Variants in ANK3 observed in about 807,000 individuals in gnomAD.
The protein encoded by ANK3 is ankyrin 3, also known as ankyrin-3.
In ANK3, 57 loss-of-function variants were observed where a neutral mutation model predicts 370.9. The observed-to-expected ratio is 0.15, with a 90% CI of 0.12 to 0.19. The LOEUF (loss-of-function observed/expected upper bound fraction) is 0.19. Among genes scored for constraint, ANK3 ranks in the 10% least tolerant of loss-of-function variants. The pLI is 1.00. For missense variants in ANK3, 4,439 were observed against 5,302.1 expected, an observed-to-expected ratio of 0.84 and a Z score of 5.06; for synonymous variants, 1,929 against 1,946.3, an observed-to-expected ratio of 0.99 and a Z score of 0.23.
At chr10:60,493,970 A>G (rs540902432) in intron 2 of ANK3, among the ~76,000 whole-genome samples, 2 of 152,280 alleles carry the variant, frequency 1.3e-5, no homozygotes, top group African/African-American at 4.8e-5. Context: ...AATCATGATA[A>G]TATCATTTCC....
At chr10:60,512,105 T>C (rs888453899) in intron 2 of ANK3, among the ~76,000 whole-genome samples, 1 of 151,482 alleles carries the variant, frequency 6.6e-6, no homozygotes, top group Non-Finnish European at 1.5e-5. Context: ...TTCCATCAAT[T>C]AAAAAAAAGT....
intron 2 of ANK3, among the ~76,000 whole-genome samples, chr10:60,597,389 A>G (rs60813650): frequency 6.6e-6 from 1 of 152,358 alleles, no homozygotes; most frequent in East Asian, 1.9e-4. Context: ...TGATTCAAAT[A>G]TACATTAGTA....
chr10:60,692,520 C>T (rs907900232), intron 1 of ANK3, among the ~76,000 whole-genome samples: 1 of 152,202 alleles, frequency 6.6e-6, no homozygotes, highest in Non-Finnish European at 1.5e-5. Context: ...AAGTGTCACA[C>T]ATTCTTCTCC....
At chr10:60,082,283 T>C in intron 34 of ANK3, 107 bp from the exon 35 acceptor site, 2 of 1,024,250 alleles carry the variant, frequency 2.0e-6, no homozygotes, top group Non-Finnish European at 2.9e-6. Flanking sequence ...AAATGCAAGC[T>C]GATTTAGAAA....
intron 1 of ANK3, chr10:60,685,023 T>A (rs1436981065): frequency 3.9e-6 from 6 of 1,538,740 alleles, no homozygotes; most frequent in Admixed American, 1.7e-5. Context: ...TCATAGGAGA[T>A]GGCCTAAAGG....
intron 18 of ANK3, among the ~76,000 whole-genome samples, chr10:60,177,570 C>T (rs1448498130): frequency 1.3e-5 from 2 of 150,944 alleles, no homozygotes; most frequent in Non-Finnish European, 3.0e-5. Context: ...CCTTAGTCCC[C>T]ATACCACACA....
At chr10:60,724,646 C>T (rs944845856) in intron 1 of ANK3, among the ~76,000 whole-genome samples, 1 of 152,106 alleles carries the variant, frequency 6.6e-6, no homozygotes, top group African/African-American at 2.4e-5. Flanking sequence ...TTATCCAAAA[C>T]GCAAAATTAA....
At chr10:60,480,926 C>T (rs955497984) in intron 2 of ANK3, among the ~76,000 whole-genome samples, 13 of 152,166 alleles carry the variant, frequency 8.5e-5, no homozygotes, top group Non-Finnish European at 1.9e-4. Flanking sequence ...ATTTATACAT[C>T]AGCATCTTGT....
chr10:60,061,666 G>A (rs1357757701), intron 40 of ANK3, among the ~76,000 whole-genome samples: 1 of 151,828 alleles, frequency 6.6e-6, no homozygotes, highest in Non-Finnish European at 1.5e-5. Flanking sequence ...AAAAAGAACC[G>A]CTTTTTACTT....
rs113599642 is a variant in ANK3 at position 60,442,242 on chromosome 10, C to A, written c.97-162603G>T. On this transcript the variant is annotated intron_variant, in intron 2 of 43. Transcript: ENST00000373827. ...TTTCCAGTAGCTGGGATTATAGGTG[C>A]ACGCCACCACGCCTGGCTAATTTTT... is the stretch of plus-strand genomic sequence containing the variant. Among the ~76,000 whole-genome samples the A allele has an allele frequency of 3.5e-3, 524 of 151,802 alleles. 5 individuals carry two copies. The highest frequency in any genetic ancestry group is 0.012 in the African/African-American group (502 of 41,400).
At chr10:60,716,747 C>T (rs2079796395) in intron 1 of ANK3, among the ~76,000 whole-genome samples, 1 of 152,160 alleles carries the variant, frequency 6.6e-6, no homozygotes, top group Non-Finnish European at 1.5e-5. Context: ...AACTCCTGCG[C>T]TCAAGTGATC....
rs765792452 is a variant in ANK3 at position 60,073,618 on chromosome 10, A to C, written c.7263T>G (p.Asp2421Glu). Residue 2421 changes from aspartate to glutamate, a missense_variant, in exon 37 of 44, where the codon GAT (aspartate) becomes GAG (glutamate). By Grantham distance (45) the Asp-to-Glu change is conservative. Around this residue, in one of 13 missense-constraint regions of ANK3, gnomAD observed 1,601 missense variants for 1,731.7 expected, o/e 0.92. Transcript: ENST00000280772. ...RVNTPVSQEE[D>E]SRPSSAQLIS... The stretch of plus-strand genomic sequence containing the variant: ...TGAGTTGAGCAGAACTAGGGCGGCT[A>C]TCTTCTTCTTGGGACACAGGAGTGT... The C allele has an allele frequency of 6.2e-7, 1 of 1,613,994 alleles. No homozygotes were observed. Among genetic ancestry groups the C allele is most frequent in the Non-Finnish European group, 8.5e-7 (1 of 1,179,972 alleles).
chr10:60,077,321 A>G (rs2084064181), intron 36 of ANK3, among the ~76,000 whole-genome samples: 1 of 152,232 alleles, frequency 6.6e-6, no homozygotes, highest in Non-Finnish European at 1.5e-5. Context: ...TACACACACA[A>G]AGAAAAAAAC....
At chr10:60,599,208 G>A (rs879582081) in intron 2 of ANK3, among the ~76,000 whole-genome samples, 3 of 152,124 alleles carry the variant, frequency 2.0e-5, no homozygotes, top group Non-Finnish European at 2.9e-5. Flanking sequence ...CGGGATTACA[G>A]GAATGAGCCA....
chr10:60,707,445 G>A (rs1589057091), intron 1 of ANK3, among the ~76,000 whole-genome samples: 1 of 152,140 alleles, frequency 6.6e-6, no homozygotes, highest in South Asian at 2.1e-4. Context: ...TTGATAAAGT[G>A]ATTTAAATCT....
intron 1 of ANK3, among the ~76,000 whole-genome samples, chr10:60,332,423 T>C (rs992946500): frequency 2.0e-5 from 3 of 152,330 alleles, no homozygotes; most frequent in South Asian, 2.1e-4. Context: ...GGGCTGAGTA[T>C]GTAGGTGTTG....
intron 1 of ANK3, among the ~76,000 whole-genome samples, chr10:60,373,847 AC>A (rs963339968): frequency 3.6e-4 from 55 of 152,006 alleles, no homozygotes; most frequent in Non-Finnish European, 8.8e-5. Context: ...TCCTGGGCAA[AC>A]CAGGCCAGGT....
chr10:60,218,633 G>A lies in ANK3; in HGVS notation c.898-5123C>T, dbSNP rs1008685424. 4.1e-4 allele frequency among the ~76,000 whole-genome samples: 62 copies of A among 152,134 alleles called. 1 individual carries two copies. The highest frequency in any genetic ancestry group is 5.9e-5 in the Non-Finnish European group (4 of 68,038). ...GGCCCTCAATCTCTTGGCTTGTAGA[G>A]TTTCTGCTGAGAGGTCCGCTGTTAG... On this transcript the variant is annotated intron_variant, in intron 8 of 43. Transcript: ENST00000280772.
rs566432671 is a variant in ANK3 at position 60,386,917 on chromosome 10, T to C, written c.114+2508A>G. 1.4e-3 allele frequency among the ~76,000 whole-genome samples: 213 copies of C among 152,294 alleles called. 2 individuals are homozygous for C. Among genetic ancestry groups the C allele is most frequent in the Non-Finnish European group, 4.6e-4 (31 of 68,024 alleles). On this transcript the variant is annotated intron_variant, in intron 1 of 43. Coordinates refer to ENST00000280772, the MANE Select transcript of ANK3 (RefSeq NM_020987.5). ...GCTCACGCCTGTAATCCTAGCACTT[T>C]GGGAGGCCTAGGCGGGTGGATCACC...
Sources: gnomAD v4.1 joint callset for allele counts (sites outside exome capture counted in the v4.1 genomes callset) on GRCh38, gnomAD v4.1.1 for gene constraint, gnomAD v4.1.1 regional missense constraint, MANE v1.5 for transcripts, NCBI Gene and HGNC (gene_info 2026-07-23, HGNC 2026-07-21) for gene names.